The following NEGR1 variants were observed in gnomAD, a reference collection of about 807,000 sequenced individuals.
The protein encoded by NEGR1 is IgLON family member 4.
Under a neutral mutation model 40.9 loss-of-function variants are expected in NEGR1, and 10 were observed. That is an observed-to-expected ratio of 0.24 (90% CI 0.15 to 0.42). The LOEUF is 0.42. NEGR1 is among the 10% of genes least tolerant of loss of function. NEGR1 has a pLI of 1.00. For missense variants in NEGR1, 352 were observed against 438.9 expected (o/e 0.80, Z 1.77); for synonymous variants, 185 against 166.8 (o/e 1.11, Z -0.84).
At chr1:71,936,161 G>C (rs1645903936) in intron 1 of NEGR1, among the ~76,000 whole-genome samples, 1 of 152,142 alleles carries the variant, frequency 6.6e-6, no homozygotes, top group African/African-American at 2.4e-5. Flanking sequence ...CACTGAAACT[G>C]TAAACTATGT....
At chr1:71,702,947 T>C (rs564579172) in intron 3 of NEGR1, among the ~76,000 whole-genome samples, 12 of 152,124 alleles carry the variant, frequency 7.9e-5, no homozygotes, top group Non-Finnish European at 1.6e-4. Context: ...ACCAAGGGGA[T>C]GGAAGTAGTG....
chr1:71,533,515 C>G (rs916503115), intron 6 of NEGR1, among the ~76,000 whole-genome samples: 2 of 151,628 alleles, frequency 1.3e-5, no homozygotes, highest in African/African-American at 4.8e-5. Flanking sequence ...CCCTATACAT[C>G]TCACACATAT....
chr1:71,524,602 T>C (rs1456929539), intron 6 of NEGR1, among the ~76,000 whole-genome samples: 1 of 151,580 alleles, frequency 6.6e-6, no homozygotes, highest in East Asian at 1.9e-4. Flanking sequence ...AAGTATTTGT[T>C]CACCTGGTAT....
intron 1 of NEGR1, among the ~76,000 whole-genome samples, chr1:72,217,855 T>C (rs549918063): frequency 1.3e-5 from 2 of 151,824 alleles, no homozygotes; most frequent in African/African-American, 2.4e-5. Flanking sequence ...GCTACCAAAG[T>C]ACATATAATA....
At chr1:71,472,767 C>G (rs1294305122) in intron 6 of NEGR1, 2 of 151,784 alleles carry the variant, frequency 1.3e-5, no homozygotes, top group African/African-American at 4.8e-5. Context: ...AGAATTCAGA[C>G]CCAGGTATCA....
intron 1 of NEGR1, among the ~76,000 whole-genome samples, chr1:72,209,146 A>G (rs975451904): frequency 2.0e-5 from 3 of 151,448 alleles, no homozygotes; most frequent in African/African-American, 7.3e-5. Flanking sequence ...TTATTATTAA[A>G]CTCTTTTAAT....
intron 3 of NEGR1, among the ~76,000 whole-genome samples, chr1:71,762,358 A>C (rs927973496): frequency 6.6e-6 from 1 of 152,186 alleles, no homozygotes; most frequent in South Asian, 2.1e-4. Flanking sequence ...TAAATACATC[A>C]ATCAAAATAG....
intron 4 of NEGR1, among the ~76,000 whole-genome samples, chr1:71,641,750 G>C (rs183119651): frequency 6.6e-6 from 1 of 152,130 alleles, no homozygotes; most frequent in Admixed American, 6.5e-5. Flanking sequence ...GCACAGACTT[G>C]ACAATTCATT....
intron 4 of NEGR1, among the ~76,000 whole-genome samples, chr1:71,669,850 C>G (rs1157041945): frequency 1.3e-5 from 2 of 152,128 alleles, no homozygotes; most frequent in Admixed American, 6.6e-5. Flanking sequence ...AGGGATTTCA[C>G]CAGGTTGGCC....
At chr1:72,266,950 G>A (rs958914759) in intron 1 of NEGR1, among the ~76,000 whole-genome samples, 4 of 150,892 alleles carry the variant, frequency 2.7e-5, no homozygotes, top group Non-Finnish European at 5.9e-5. Context: ...AAAGCATACC[G>A]GAGGGTAAAG....
chr1:71,643,965 T>G (rs1243019398), intron 4 of NEGR1, among the ~76,000 whole-genome samples: 1 of 152,012 alleles, frequency 6.6e-6, no homozygotes, highest in East Asian at 1.9e-4. Flanking sequence ...GGAAAAAATT[T>G]TACACTGCCA....
chr1:71,859,320 T>C (rs986095246), intron 2 of NEGR1, among the ~76,000 whole-genome samples: 2 of 152,052 alleles, frequency 1.3e-5, no homozygotes, highest in African/African-American at 4.8e-5. Context: ...CCTTAAACGC[T>C]GCATGGCTTG....
chr1:72,013,949 T>A, intron 1 of NEGR1, among the ~76,000 whole-genome samples: 1 of 116,250 alleles, frequency 8.6e-6, no homozygotes, highest in African/African-American at 3.5e-5. Flanking sequence ...TCCCAAGAGA[T>A]GCTCTGTGAA....
At chr1:71,744,728 G>A (rs765544786) in intron 3 of NEGR1, among the ~76,000 whole-genome samples, 61 of 152,080 alleles carry the variant, frequency 4.0e-4, no homozygotes, top group Admixed American at 9.8e-4. Flanking sequence ...GTTTTCACAA[G>A]TTCAATCTTA....
intron 6 of NEGR1, among the ~76,000 whole-genome samples, chr1:71,427,653 C>G (rs1646437033): frequency 6.6e-6 from 1 of 152,110 alleles, no homozygotes; most frequent in Non-Finnish European, 1.5e-5. Flanking sequence ...CTCTCTTGTT[C>G]TAGTTCCTGG....
At chr1:71,869,830 T>G (rs1216742514) in intron 2 of NEGR1, among the ~76,000 whole-genome samples, 1 of 152,026 alleles carries the variant, frequency 6.6e-6, no homozygotes, top group East Asian at 1.9e-4. Context: ...AACAGTGGTC[T>G]TAATATATAG....
Position 71,643,486 on chromosome 1 carries a change from A to C in NEGR1, c.668-32340T>G, listed in dbSNP as rs114094071. On this transcript the variant is annotated intron_variant, in intron 4 of 6. Transcript: ENST00000357731. ...AGTTCATTGACTTTTCAGTTATACT[A>C]GGTTAAATTTATCTGAAATACATAT... Among the ~76,000 whole-genome samples the C allele has an allele frequency of 4.6e-3, 699 of 152,162 alleles. 8 individuals carry two copies. Among genetic ancestry groups the C allele is most frequent in the African/African-American group, 0.016 (657 of 41,558 alleles).
At chr1:72,227,577 G>A (rs983900401) in intron 1 of NEGR1, among the ~76,000 whole-genome samples, 1 of 151,916 alleles carries the variant, frequency 6.6e-6, no homozygotes, top group Non-Finnish European at 1.5e-5. Context: ...TCTGAGAATG[G>A]GAATGTTTAT....
chr1:72,006,387 T>C (rs1646606799), intron 1 of NEGR1, among the ~76,000 whole-genome samples: 1 of 152,206 alleles, frequency 6.6e-6, no homozygotes, highest in Non-Finnish European at 1.5e-5. Context: ...TTTAAATGGC[T>C]ATAATCATAA....
Sources: gnomAD v4.1 joint callset for allele counts (sites outside exome capture counted in the v4.1 genomes callset) on GRCh38, gnomAD v4.1.1 for gene constraint, MANE v1.5 for transcripts, NCBI Gene and HGNC (gene_info 2026-07-23, HGNC 2026-07-21) for gene names.